Variants in RMDN2 observed in about 807,000 individuals in gnomAD.
RMDN2 encodes the protein regulator of microtubule dynamics 2.
RMDN2 carries 61 observed loss-of-function variants against 52.8 expected under a neutral mutation model. That is an observed-to-expected ratio of 1.16 (90% confidence interval 0.94 to 1.43). The LOEUF is 1.43. Ranked by LOEUF, RMDN2 falls within the 40% of genes most tolerant of loss-of-function variation. RMDN2 has a pLI of 0.00. For missense variants in RMDN2, 592 were observed against 475.3 expected (o/e 1.25, Z -2.28); for synonymous variants, 180 against 153.1 (o/e 1.18, Z -1.30).
At chr2:37,945,845 C>T (rs762025447) in intron 2 of RMDN2, among the ~76,000 whole-genome samples, 5 of 152,140 alleles carry the variant, frequency 3.3e-5, no homozygotes, top group South Asian at 2.1e-4. Context: ...CACTGCCTCT[C>T]GCCTTACTCA....
At chr2:38,059,528 A>G (rs1450457222) in intron 10 of RMDN2, among the ~76,000 whole-genome samples, 1 of 152,198 alleles carries the variant, frequency 6.6e-6, no homozygotes, top group Non-Finnish European at 1.5e-5. Context: ...CAAAATGTAA[A>G]GGTTATTTTA....
At chr2:37,998,848 C>G (rs529347979) in intron 8 of RMDN2, among the ~76,000 whole-genome samples, 2 of 152,238 alleles carry the variant, frequency 1.3e-5, no homozygotes, top group South Asian at 4.1e-4. Flanking sequence ...GCATTTCACA[C>G]AATGACAATC....
At chr2:37,974,919 G>C (rs1036308572) in intron 3 of RMDN2, 2 of 296,594 alleles carry the variant, frequency 6.7e-6, no homozygotes, top group Non-Finnish European at 1.2e-5. Context: ...AGCTCAGGAA[G>C]AATTTCTAGA....
intron 2 of RMDN2, 32 bp from the exon 3 acceptor site, chr2:37,974,008 A>G (rs746699937): frequency 3.2e-6 from 5 of 1,556,164 alleles, no homozygotes; most frequent in South Asian, 2.3e-5. Flanking sequence ...CTTAACTTTC[A>G]AAGGAGTTGA....
At chr2:37,946,694 C>T (rs1361211247) in intron 2 of RMDN2, among the ~76,000 whole-genome samples, 1 of 152,108 alleles carries the variant, frequency 6.6e-6, no homozygotes, top group East Asian at 1.9e-4. Context: ...TATATACTAC[C>T]AGTCTTCACT....
chr2:37,978,186 GAT>G (rs1191732747), intron 4 of RMDN2, among the ~76,000 whole-genome samples: 2 of 152,160 alleles, frequency 1.3e-5, no homozygotes, highest in Non-Finnish European at 2.9e-5. Context: ...CAGGCGTGGT[GAT>G]GCGTGCCTGC....
At chr2:38,021,356 G>T (rs921152426), downstream of RMDN2, among the ~76,000 whole-genome samples, 1 of 152,122 alleles carries the variant, frequency 6.6e-6, no homozygotes, top group Non-Finnish European at 1.5e-5. Context: ...AAAGGCTGCC[G>T]GAACCAGCAG....
chr2:37,921,976 C>A (rs910251623), upstream of RMDN2, among the ~76,000 whole-genome samples: 1 of 152,168 alleles, frequency 6.6e-6, no homozygotes, highest in Non-Finnish European at 1.5e-5. Context: ...ACAAATGATT[C>A]GGGGAACTCA....
chr2:38,003,285 G>A (rs1027654868), intron 8 of RMDN2, among the ~76,000 whole-genome samples: 2 of 152,176 alleles, frequency 1.3e-5, no homozygotes, highest in Non-Finnish European at 2.9e-5. Flanking sequence ...GGGAGTGGTG[G>A]CTCATGCCTG....
intron 7 of RMDN2, 119 bp downstream of exon 7, chr2:37,991,416 G>C (rs1207453089): frequency 5.3e-6 from 2 of 374,552 alleles, no homozygotes; most frequent in East Asian, 8.4e-5. Context: ...AATTATAATA[G>C]CAATAAAATT....
At chr2:37,981,371 T>A in intron 5 of RMDN2, 28 bp downstream of exon 5, 11 of 1,452,958 alleles carry the variant, frequency 7.6e-6, no homozygotes, top group Non-Finnish European at 1.1e-5. Flanking sequence ...ATGCAGTCTT[T>A]TAAATTCTAA....
chr2:37,980,997 T>C (rs1673239127), intron 4 of RMDN2, among the ~76,000 whole-genome samples: 1 of 152,256 alleles, frequency 6.6e-6, no homozygotes, highest in Admixed American at 6.5e-5. Flanking sequence ...AGTAATTAAA[T>C]GACGTTTCTT....
At chr2:37,961,058 C>G (rs1670162068) in intron 2 of RMDN2, among the ~76,000 whole-genome samples, 1 of 152,126 alleles carries the variant, frequency 6.6e-6, no homozygotes, top group East Asian at 1.9e-4. Flanking sequence ...AGAGAGATCT[C>G]CTGTTAGTCT....
chr2:38,033,045 A>G (rs769295207), intron 10 of RMDN2: 3 of 152,142 alleles, frequency 2.0e-5, no homozygotes, highest in Non-Finnish European at 4.4e-5. Flanking sequence ...CAGTTGCTCC[A>G]TGTTCTCGTT....
intron 1 of RMDN2, chr2:37,929,021 G>A: frequency 3.7e-6 from 1 of 268,136 alleles, no homozygotes; most frequent in Admixed American, 5.0e-5. Context: ...TTGTTTTTTA[G>A]TGGTTATTCT....
chr2:37,980,109 A>G (rs1183274799), intron 4 of RMDN2, among the ~76,000 whole-genome samples: 1 of 152,124 alleles, frequency 6.6e-6, no homozygotes, highest in Non-Finnish European at 1.5e-5. Context: ...GATTATCTCA[A>G]CCACTTATTT....
At chr2:37,922,128 T>C (rs1666049315), upstream of RMDN2, among the ~76,000 whole-genome samples, 2 of 152,176 alleles carry the variant, frequency 1.3e-5, no homozygotes, top group South Asian at 4.2e-4. Context: ...AGTAAAATAT[T>C]TCCTTAACCC....
At chr2:37,991,362 A>G in intron 7 of RMDN2, 65 bp downstream of exon 7, 2 of 800,708 alleles carry the variant, frequency 2.5e-6, no homozygotes, top group Non-Finnish European at 3.7e-6. Context: ...ATAAATTTTC[A>G]ATGACTTATT....
intron 4 of RMDN2, among the ~76,000 whole-genome samples, chr2:37,979,224 G>A (rs1261127483): frequency 6.6e-6 from 1 of 152,150 alleles, no homozygotes; most frequent in Non-Finnish European, 1.5e-5. Flanking sequence ...AAAACGAAGG[G>A]TGGAGGGAAG....
Sources: gnomAD v4.1 joint callset for allele counts (sites outside exome capture counted in the v4.1 genomes callset) on GRCh38, gnomAD v4.1.1 for gene constraint, MANE v1.5 for transcripts, NCBI Gene and HGNC (gene_info 2026-07-23, HGNC 2026-07-21) for gene names.